RORB: variants seen among roughly 807,000 people sequenced by gnomAD.
The protein encoded by RORB is nuclear receptor ROR-beta.
RORB carries 6 observed loss-of-function variants against 59.1 expected under a neutral mutation model. That is an observed-to-expected ratio of 0.10 (90% confidence interval 0.06 to 0.20). The LOEUF (loss-of-function observed/expected upper bound fraction) is 0.20, where lower values mean the gene tolerates loss of function less well. Ranked by LOEUF, RORB falls within the 10% of genes least tolerant of loss-of-function variation. The probability of loss-of-function intolerance (pLI) is 1.00; values close to 1 mark genes in which losing one functional copy is unlikely to be tolerated. For missense variants in RORB, 320 were observed against 560.5 expected (o/e 0.57, Z 4.33); for synonymous variants, 215 against 204.5 (o/e 1.05, Z -0.44).
chr9:74,668,596 A>G (rs749491269), intron 8 of RORB, among the ~76,000 whole-genome samples: 10 of 152,224 alleles, frequency 6.6e-5, no homozygotes, highest in Non-Finnish European at 1.3e-4. Flanking sequence ...AATGTATTGT[A>G]TACTGTATTC....
chr9:74,646,616 C>T (rs535359348), intron 4 of RORB, among the ~76,000 whole-genome samples: 74 of 151,684 alleles, frequency 4.9e-4, no homozygotes, highest in African/African-American at 1.6e-3. Flanking sequence ...TTTCATTGTA[C>T]AGATAAAGAA....
chr9:74,576,466 A>AGATTT (rs58068822), intron 1 of RORB, among the ~76,000 whole-genome samples: 128,614 of 151,870 alleles, frequency 0.85, 54,484 homozygotes, highest in East Asian at 0.92. Context: ...AGGGAGAAAG[A>AGATTT]GAAGGGAATT....
At chr9:74,665,093 C>G (rs1824244712) in intron 6 of RORB, among the ~76,000 whole-genome samples, 1 of 152,168 alleles carries the variant, frequency 6.6e-6, no homozygotes, top group Non-Finnish European at 1.5e-5. Flanking sequence ...GGAATCAAAA[C>G]TAGCTTTAAT....
chr9:74,683,431 C>T (rs1039176248), intron 9 of RORB, among the ~76,000 whole-genome samples: 3 of 152,120 alleles, frequency 2.0e-5, no homozygotes, highest in African/African-American at 7.2e-5. Context: ...CAGAATGGGA[C>T]TCTGAATCAT....
intron 1 of RORB, among the ~76,000 whole-genome samples, chr9:74,620,011 G>A (rs1208598672): frequency 1.3e-5 from 2 of 151,670 alleles, no homozygotes; most frequent in African/African-American, 2.4e-5. Flanking sequence ...TCTTTTTTTT[G>A]CTGTGTCTCT....
intron 1 of RORB, among the ~76,000 whole-genome samples, chr9:74,524,349 T>C (rs1826126088): frequency 6.6e-6 from 1 of 151,972 alleles, no homozygotes; most frequent in South Asian, 2.1e-4. Context: ...GATAATGAAA[T>C]TGGGTAAAAA....
intron 1 of RORB, among the ~76,000 whole-genome samples, chr9:74,563,695 AG>A (rs1167069842): frequency 2.0e-5 from 3 of 152,244 alleles, no homozygotes; most frequent in Admixed American, 6.5e-5. Context: ...AGGTATGGGC[AG>A]GGTTAAGGGA....
chr9:74,631,749 T>C (rs1405093143), intron 2 of RORB, among the ~76,000 whole-genome samples: 1 of 152,244 alleles, frequency 6.6e-6, no homozygotes, highest in Non-Finnish European at 1.5e-5. Flanking sequence ...TATCGTGAGA[T>C]GTTCTTCACA....
At chr9:74,624,325 A>G (rs1426715105) in intron 1 of RORB, among the ~76,000 whole-genome samples, 1 of 152,204 alleles carries the variant, frequency 6.6e-6, no homozygotes, top group Non-Finnish European at 1.5e-5. Context: ...GTGTTATAGT[A>G]GAAATTAGAG....
chr9:74,640,255 T>C (rs573247705), intron 3 of RORB, among the ~76,000 whole-genome samples: 2 of 152,260 alleles, frequency 1.3e-5, no homozygotes, highest in East Asian at 3.9e-4. Flanking sequence ...TTGTTTTGTT[T>C]TTTGAGACAG....
chr9:74,648,885 T>C (rs1823945299), intron 4 of RORB, among the ~76,000 whole-genome samples: 1 of 152,154 alleles, frequency 6.6e-6, no homozygotes, highest in African/African-American at 2.4e-5. Flanking sequence ...CAAACGCACC[T>C]GTCCTCCCTA....
intron 1 of RORB, among the ~76,000 whole-genome samples, chr9:74,558,200 T>C (rs1018649680): frequency 1.3e-5 from 2 of 152,166 alleles, no homozygotes; most frequent in African/African-American, 4.8e-5. Context: ...CTCACAGCCC[T>C]CAGAGCTACC....
Position 74,686,995 on chromosome 9 carries a change from T to C in RORB, c.*1377T>C, listed in dbSNP as rs899627629. 2 of 152,100 alleles carry C rather than the reference T, an allele frequency of 1.3e-5. No homozygotes were observed. The highest frequency in any genetic ancestry group is 2.9e-5 in the Non-Finnish European group (2 of 68,020). The allele number at this position is 152,100 out of a possible 1,614,324, so 9.4% of individuals were successfully genotyped here. A position where few individuals can be genotyped will look rare whatever the true frequency, so the allele number is the denominator to read the frequency against. ...CCTAGAATTATTTTTTTAGCAACTT[T>C]TAGAAATAAAGAATACAACTGTGAC... On this transcript the variant is annotated 3_prime_UTR_variant, in exon 10 of 10. Coordinates refer to ENST00000376896, the MANE Select transcript of RORB (RefSeq NM_006914.4).
At chr9:74,658,440 T>C (rs1824125964) in intron 4 of RORB, among the ~76,000 whole-genome samples, 1 of 152,172 alleles carries the variant, frequency 6.6e-6, no homozygotes, top group African/African-American at 2.4e-5. Context: ...TAAATTTTGA[T>C]ATCAGAAGGC....
intron 4 of RORB, among the ~76,000 whole-genome samples, chr9:74,644,690 A>C (rs1226503998): frequency 2.0e-5 from 3 of 152,226 alleles, no homozygotes; most frequent in African/African-American, 7.2e-5. Flanking sequence ...TATACTACTT[A>C]ATATCTAAGT....
At chr9:74,643,450 G>C (rs542952121) in intron 4 of RORB, among the ~76,000 whole-genome samples, 37 of 152,352 alleles carry the variant, frequency 2.4e-4, no homozygotes, top group Admixed American at 1.1e-3. Flanking sequence ...TCAGAAAGCT[G>C]ATCCTCTTTC....
intron 3 of RORB, among the ~76,000 whole-genome samples, chr9:74,635,283 C>T (rs1348706839): frequency 6.6e-6 from 1 of 152,070 alleles, no homozygotes; most frequent in East Asian, 1.9e-4. Context: ...CTATCTGAGC[C>T]CATAATGAAG....
intron 1 of RORB, among the ~76,000 whole-genome samples, chr9:74,504,448 G>A (rs568874931): frequency 4.7e-4 from 72 of 151,982 alleles, no homozygotes; most frequent in African/African-American, 1.6e-3. Flanking sequence ...TCTTGCCTTC[G>A]CCAAAATATA....
At chr9:74,682,766 AT>A (rs1282815498) in intron 9 of RORB, among the ~76,000 whole-genome samples, 1 of 152,094 alleles carries the variant, frequency 6.6e-6, no homozygotes, top group Non-Finnish European at 1.5e-5. Flanking sequence ...TTTTTTAAGA[AT>A]TTTCTTAAGA....
Sources: gnomAD v4.1 joint callset for allele counts (sites outside exome capture counted in the v4.1 genomes callset) on GRCh38, gnomAD v4.1.1 for gene constraint, MANE v1.5 for transcripts, NCBI Gene and HGNC (gene_info 2026-07-23, HGNC 2026-07-21) for gene names.